The following GNG5 variants were observed in gnomAD, a reference collection of about 807,000 sequenced individuals.
The protein encoded by GNG5 is G protein subunit gamma 5.
GNG5 carries 2 observed loss-of-function variants against 6.2 expected under a neutral mutation model. That is an observed-to-expected ratio of 0.32 (90% CI 0.13 to 1.01). The LOEUF (loss-of-function observed/expected upper bound fraction) is 1.01. Ranked by LOEUF, GNG5 falls within the 50% of genes least tolerant of loss-of-function variation. The pLI is 0.48. For missense variants in GNG5, 57 were observed against 80.2 expected (o/e 0.71, Z 1.10); for synonymous variants, 24 against 33.0 (o/e 0.73, Z 0.93).
At chr1:84,498,774 T>A (rs961243229) in intron 3 of GNG5, among the ~76,000 whole-genome samples, 11 of 152,168 alleles carry the variant, frequency 7.2e-5, no homozygotes, top group Non-Finnish European at 2.9e-5. Flanking sequence ...CCAAAATACA[T>A]TCTGTATATA....
intron 3 of GNG5, among the ~76,000 whole-genome samples, chr1:84,500,883 G>A (rs1276051516): frequency 6.6e-6 from 1 of 152,168 alleles, no homozygotes; most frequent in African/African-American, 2.4e-5. Context: ...AAGTTAGTAA[G>A]GGGTGTGTGC....
At chr1:84,502,137 T>G (rs1682071822) in intron 2 of GNG5, among the ~76,000 whole-genome samples, 167 bp from the exon 3 acceptor site, 2 of 144,950 alleles carry the variant, frequency 1.4e-5, no homozygotes, top group African/African-American at 5.2e-5. Flanking sequence ...GAGCTCTTTT[T>G]TTTTTTTTTT....
At chr1:84,500,254 G>A (rs989934733) in intron 3 of GNG5, among the ~76,000 whole-genome samples, 4 of 152,196 alleles carry the variant, frequency 2.6e-5, no homozygotes, top group African/African-American at 9.6e-5. Context: ...ATTCAAGCTT[G>A]AGAAGCAATG....
At chr1:84,504,383 C>T (rs541069635) in intron 2 of GNG5, among the ~76,000 whole-genome samples, 4 of 152,246 alleles carry the variant, frequency 2.6e-5, no homozygotes, top group African/African-American at 9.6e-5. Flanking sequence ...CCGACCAGAA[C>T]CAGAAGTCTA....
chr1:84,505,995 G>T lies in GNG5; in HGVS notation c.81+16C>A. On this transcript the variant is annotated intron_variant, in intron 2 of 3. Coordinates refer to ENST00000370645, the MANE Select transcript of GNG5 (RefSeq NM_005274.3). ...CCGCCGCCTTCCTCCCGCCTCGGCC[G>T]CCCGCCCCCGCTCACTTTTACGCGG... 1 of 1,487,382 alleles carries T rather than the reference G, an allele frequency of 6.7e-7. No homozygotes were observed. The highest frequency in any genetic ancestry group is 9.0e-7 in the Non-Finnish European group (1 of 1,116,822). 92.1% of individuals were successfully genotyped at this position (1,487,382 alleles called of 1,614,324 possible).
At chr1:84,504,694 G>A (rs1682128682) in intron 2 of GNG5, among the ~76,000 whole-genome samples, 2 of 152,186 alleles carry the variant, frequency 1.3e-5, no homozygotes, top group Admixed American at 1.3e-4. Flanking sequence ...AATTGGGAGA[G>A]TAGAGAAATG....
intron 3 of GNG5, among the ~76,000 whole-genome samples, chr1:84,499,303 T>C (rs1174993483): frequency 6.6e-6 from 1 of 152,152 alleles, no homozygotes; most frequent in Non-Finnish European, 1.5e-5. Flanking sequence ...CTGTGAAAAA[T>C]GTTTAATCTC....
In GNG5 at chr1:84,501,840, T is replaced by C. The variant is rs1453505546; in HGVS notation, c.*5A>G. On this transcript the variant is annotated 3_prime_UTR_variant, in exon 3 of 4. Coordinates refer to ENST00000370645, the MANE Select transcript of GNG5 (RefSeq NM_005274.3). ...AGGAAACTTACCTTTGAAAGATTCA[T>C]TTTACTACAAAAAGGAACAGACTTT... 8.7e-6 allele frequency: 14 copies of C among 1,607,032 alleles called. No individual in the cohort carries two copies. The Admixed American group carries it at 2.0e-4, about 23-fold the overall frequency.
chr1:84,499,078 A>G (rs753873017), intron 3 of GNG5, among the ~76,000 whole-genome samples: 23 of 152,230 alleles, frequency 1.5e-4, no homozygotes, highest in Admixed American at 2.0e-4. Context: ...TTATGCCTTA[A>G]AAAATAAGTT....
intron 2 of GNG5, 51 bp from the exon 3 acceptor site, chr1:84,502,021 T>G: frequency 6.9e-7 from 1 of 1,458,482 alleles, no homozygotes; most frequent in Middle Eastern, 1.8e-4. Flanking sequence ...AACATTTTAA[T>G]GAAGGTTTTC....
At chr1:84,500,076 A>ATT (rs1349679331) in intron 3 of GNG5, among the ~76,000 whole-genome samples, 1 of 152,154 alleles carries the variant, frequency 6.6e-6, no homozygotes, top group Non-Finnish European at 1.5e-5. Context: ...ATAAAACTGT[A>ATT]TTTATATACA....
chr1:84,498,971 T>A (rs761147252), intron 3 of GNG5, among the ~76,000 whole-genome samples: 50 of 152,186 alleles, frequency 3.3e-4, no homozygotes, highest in Non-Finnish European at 4.0e-4. Context: ...GTATTAGTAT[T>A]TTAACAGCAA....
chr1:84,501,733 A>G, intron 3 of GNG5, 93 bp downstream of exon 3: 1 of 720,394 alleles, frequency 1.4e-6, no homozygotes, highest in Non-Finnish European at 2.3e-6. Context: ...GCCAAAGGAA[A>G]GGGCATGGGA....
At chr1:84,505,583 A>G (rs1025017974) in intron 2 of GNG5, among the ~76,000 whole-genome samples, 6 of 152,246 alleles carry the variant, frequency 3.9e-5, no homozygotes, top group African/African-American at 1.2e-4. Context: ...ATGGGAGAAA[A>G]GTCTGCTCTG....
intron 2 of GNG5, among the ~76,000 whole-genome samples, chr1:84,504,372 C>T (rs1052876752): frequency 1.3e-5 from 2 of 152,152 alleles, no homozygotes; most frequent in African/African-American, 4.8e-5. Flanking sequence ...CTTTAATGAT[C>T]CCGACCAGAA....
In GNG5 at chr1:84,506,144, G is replaced by C; in HGVS notation, c.-53C>G. On this transcript the variant is annotated 5_prime_UTR_variant, in exon 2 of 4. Transcript: ENST00000370645. ...TGGGTCGGTGGGTCGTGGGCCGTGG[G>C]TCGGCGGGGCCAGACAACTCAGCGG... The C allele has an allele frequency of 6.7e-7, 1 of 1,488,676 alleles. No homozygotes were observed. Among genetic ancestry groups the C allele is most frequent in the Non-Finnish European group, 9.1e-7 (1 of 1,097,582 alleles). The allele number at this position is 1,488,676 out of a possible 1,614,324, so 92.2% of individuals were successfully genotyped here.
chr1:84,505,868 C>G, intron 2 of GNG5, 143 bp downstream of exon 2: 1 of 513,218 alleles, frequency 1.9e-6, no homozygotes, highest in Non-Finnish European at 3.1e-6. Flanking sequence ...GCTGGCCGCT[C>G]CCCGATCGCC....
intron 3 of GNG5, among the ~76,000 whole-genome samples, chr1:84,499,568 C>G (rs61768863): frequency 1.1e-3 from 172 of 152,174 alleles, no homozygotes; most frequent in Non-Finnish European, 1.9e-3. Context: ...AAGTATAATT[C>G]CATCATAGTT....
chr1:84,500,513 A>G (rs1441631370), intron 3 of GNG5, among the ~76,000 whole-genome samples: 3 of 152,172 alleles, frequency 2.0e-5, no homozygotes, highest in African/African-American at 7.2e-5. Context: ...GAATACAAGA[A>G]CTGAGGTTAA....
Sources: allele counts gnomAD v4.1 joint callset (sites outside exome capture counted in the v4.1 genomes callset), GRCh38; gene constraint gnomAD v4.1.1; transcripts MANE v1.5; gene names NCBI Gene and HGNC (gene_info 2026-07-23, HGNC 2026-07-21).